Variants in REST observed in about 807,000 individuals in gnomAD.
REST encodes the protein RE1-silencing transcription factor.
Under a neutral mutation model 30.4 loss-of-function variants are expected in REST, and 1 was observed. That is an observed-to-expected ratio of 0.03 (90% CI 0.01 to 0.16). The LOEUF is 0.16. Ranked by LOEUF, REST falls within the 10% of genes least tolerant of loss-of-function variation. The pLI is 1.00. For missense variants in REST, 1,259 were observed against 1,329.5 expected (o/e 0.95, Z 0.82); for synonymous variants, 504 against 451.1 (o/e 1.12, Z -1.49).
intron 3 of REST, among the ~76,000 whole-genome samples, chr4:56,921,299 C>G (rs1578500252): frequency 1.3e-5 from 2 of 152,266 alleles, no homozygotes; most frequent in East Asian, 1.9e-4. Flanking sequence ...CTGTGCTATT[C>G]GCTTGAGTAG....
rs1219968922 is a variant in REST at position 56,930,295 on chromosome 4, T to G, written c.1437T>G (p.Pro479=). The G allele has an allele frequency of 2.5e-6, 4 of 1,613,850 alleles. No individual in the cohort carries two copies. The South Asian group carries it at 3.3e-5, about 13-fold the overall frequency. ...GAGATGTCTCAAAAGAGAAAAAGCC[T>G]TCTAATAATGTGTCAGTGATCCAGG... ...EKRDVSKEKK[P]SNNVSVIQVT... is the part of the protein sequence containing the mutation. The change falls in exon 4 of 4, where the codon CCT becomes CCG. Residue 479 remains proline (P), a synonymous_variant. Transcript: ENST00000309042.
intron 3 of REST, among the ~76,000 whole-genome samples, chr4:56,929,357 TG>T (rs1221576159): frequency 1.3e-5 from 2 of 152,134 alleles, no homozygotes; most frequent in East Asian, 3.9e-4. Flanking sequence ...TGATTTATTT[TG>T]CTCAGGTTGT....
At chr4:56,914,371 G>C (rs1402293216) in intron 2 of REST, among the ~76,000 whole-genome samples, 1 of 152,160 alleles carries the variant, frequency 6.6e-6, no homozygotes, top group African/African-American at 2.4e-5. Context: ...CTAAGCCCCA[G>C]CAGATGGATG....
intron 1 of REST, among the ~76,000 whole-genome samples, chr4:56,908,484 G>T (rs1719725803): frequency 6.6e-6 from 1 of 151,954 alleles, no homozygotes; most frequent in South Asian, 2.1e-4. Context: ...AGGCTGGGAC[G>T]CCGCCTCCGC....
rs1719701542 is a variant in REST, at chr4:56,908,068, C to T, written c.-155C>T. On this transcript the variant is annotated 5_prime_UTR_variant, in exon 1 of 4. Transcript: ENST00000309042. ...CTGAGCACCCTCTGCAGCCCCACTC[C>T]TGGGCCTTCTTGGTCCACGACGGCC... The T allele has an allele frequency of 2.8e-6, 1 of 355,086 alleles. No homozygotes were observed. The highest frequency in any genetic ancestry group is 5.1e-6 in the Non-Finnish European group (1 of 197,424). The allele number at this position is 355,086 out of a possible 1,614,324, so 22.0% of individuals were successfully genotyped here. A position where few individuals can be genotyped will look rare whatever the true frequency, so the allele number is the denominator to read the frequency against.
rs187623849 is a variant in REST at position 56,922,948 on chromosome 4, G to A, written c.982+3078G>A. 1.8e-3 allele frequency among the ~76,000 whole-genome samples: 279 copies of A among 152,232 alleles called. 2 individuals are homozygous for A. The highest frequency in any genetic ancestry group is 3.3e-3 in the Admixed American group (51 of 15,274). On this transcript the variant is annotated intron_variant, in intron 3 of 3. Transcript: ENST00000309042. ...AATGACTACATACTTTTATCCTTTC[G>A]TTCAATTAGTAATACTTTGTCTTGT...
intron 2 of REST, among the ~76,000 whole-genome samples, chr4:56,919,076 T>A (rs937841518): frequency 6.6e-6 from 1 of 152,008 alleles, no homozygotes; most frequent in Non-Finnish European, 1.5e-5. Flanking sequence ...GCTAATTTTT[T>A]TTGTATTTTT....
At chr4:56,908,872 G>C (rs995216962) in intron 1 of REST, 1 of 151,548 alleles carries the variant, frequency 6.6e-6, no homozygotes, top group Non-Finnish European at 1.5e-5. Context: ...GCAAACTTCC[G>C]GGGCGCGGGG....
rs1721045752 is a variant in REST, at chr4:56,933,483, T to C, written c.*1331T>C. Reference sequence around the variant, plus strand: ...AGTGCTGGTAGACCAGCTGCAACTTTCCTATACAGTGAAAAAGGCTGGTGA... The same window carrying C: ...AGTGCTGGTAGACCAGCTGCAACTTCCCTATACAGTGAAAAAGGCTGGTGA... On this transcript the variant is annotated 3_prime_UTR_variant, in exon 4 of 4. Coordinates refer to ENST00000309042, the MANE Select transcript of REST (RefSeq NM_005612.5). 1 of 152,210 alleles carries C rather than the reference T, an allele frequency of 6.6e-6. No homozygotes were observed. Among genetic ancestry groups the C allele is most frequent in the Non-Finnish European group, 1.5e-5 (1 of 68,042 alleles). 9.4% of individuals were successfully genotyped at this position (152,210 alleles called of 1,614,324 possible). A position where few individuals can be genotyped will look rare whatever the true frequency, so the allele number is the denominator to read the frequency against.
At chr4:56,929,781 A>T (rs1234062731) in intron 3 of REST, 60 bp from the exon 4 acceptor site, 1 of 1,469,410 alleles carries the variant, frequency 6.8e-7, no homozygotes, top group African/African-American at 1.4e-5. Context: ...AGTTCTTTAT[A>T]TTTTAATCTT....
intron 3 of REST, among the ~76,000 whole-genome samples, chr4:56,921,158 C>G (rs1006310794): frequency 6.6e-6 from 1 of 152,112 alleles, no homozygotes; most frequent in African/African-American, 2.4e-5. Context: ...GCCACCATGC[C>G]TGGCCGAACT....
At position 56,933,356 on chromosome 4, in the gene REST, T is replaced by G. The variant is rs1721041885; in HGVS notation, c.*1204T>G. On this transcript the variant is annotated 3_prime_UTR_variant, in exon 4 of 4. Transcript: ENST00000309042. ...ATATTTGGAAACTACAAACCTGGAA[T>G]TAGGAGATATAATTATTCCTTCAAG... 1 of 152,210 alleles carries G rather than the reference T, an allele frequency of 6.6e-6. No individual in the cohort carries two copies. The highest frequency in any genetic ancestry group is 2.4e-5 in the African/African-American group (1 of 41,460). 9.4% of individuals were successfully genotyped at this position (152,210 alleles called of 1,614,324 possible).
rs374292810 is a variant in REST at position 56,934,802 on chromosome 4, G to A, written c.*2650G>A. ...CATGTTATTTGTAAATTGATGTTTA[G>A]TAATTAGTGATAAACTTGAAATACT... is the stretch of plus-strand genomic sequence containing the variant. On this transcript the variant is annotated 3_prime_UTR_variant, in exon 4 of 4. Coordinates refer to ENST00000309042, the MANE Select transcript of REST (RefSeq NM_005612.5). 16 of 152,260 alleles carry A rather than the reference G, an allele frequency of 1.1e-4. 1 individual carries two copies. Among genetic ancestry groups the A allele is most frequent in the African/African-American group, 3.6e-4 (15 of 41,550 alleles). 9.4% of individuals were successfully genotyped at this position (152,260 alleles called of 1,614,324 possible). A position where few individuals can be genotyped will look rare whatever the true frequency, so the allele number is the denominator to read the frequency against.
Position 56,930,828 on chromosome 4 carries a change from T to C in REST, c.1970T>C (p.Val657Ala). 1 of 1,611,210 alleles carries C rather than the reference T, an allele frequency of 6.2e-7. No individual in the cohort carries two copies. Among genetic ancestry groups the C allele is most frequent in the Non-Finnish European group, 8.5e-7 (1 of 1,178,510 alleles). ...APDEPVQMEV[V>A]QEGPAQKELL... ...GACGAGCCTGTTCAGATGGAGGTGG[T>C]TCAGGAGGGGCCTGCTCAGAAGGAG... Residue 657 changes from valine (V) to alanine (A), a missense_variant, in exon 4 of 4, where the codon GTT becomes GCT. Around this residue, in one of 5 missense-constraint regions of REST, gnomAD observed 856 missense variants for 772.8 expected, o/e 1.11. Coordinates refer to ENST00000309042, the MANE Select transcript of REST (RefSeq NM_005612.5).
intron 3 of REST, among the ~76,000 whole-genome samples, chr4:56,921,489 A>T (rs1037985506): frequency 1.3e-5 from 2 of 152,004 alleles, no homozygotes; most frequent in Admixed American, 6.6e-5. Flanking sequence ...AGCTCACTGC[A>T]ACCTCTGCCT....
intron 3 of REST, among the ~76,000 whole-genome samples, chr4:56,924,620 T>G (rs1182828087): frequency 3.6e-5 from 2 of 56,156 alleles, no homozygotes; most frequent in African/African-American, 9.5e-5. Context: ...ACCATGCCTG[T>G]TTTTTTTTTT....
At chr4:56,918,600 C>G (rs1269883717) in intron 2 of REST, among the ~76,000 whole-genome samples, 1 of 152,088 alleles carries the variant, frequency 6.6e-6, no homozygotes, top group Non-Finnish European at 1.5e-5. Context: ...TCTCTGTACT[C>G]CAGGCTGGAG....
At position 56,911,367 on chromosome 4, in the gene REST, T is replaced by G. The variant is rs368339850; in HGVS notation, c.729T>G (p.Asp243Glu). 6.2e-7 allele frequency: 1 copy of G among 1,614,058 alleles called. No homozygotes were observed. The highest frequency in any genetic ancestry group is 8.5e-7 in the Non-Finnish European group (1 of 1,180,050). Reference protein sequence around the residue: ...AHLKHHTRAGDNERVYKCIIC... With the variant: ...AHLKHHTRAGENERVYKCIIC... ...TGAAACACCACACCAGAGCTGGGGATAATGAGCGAGTCTACAAGTGTATCA... is the reference window on the plus strand; with the variant it reads ...TGAAACACCACACCAGAGCTGGGGAGAATGAGCGAGTCTACAAGTGTATCA... Residue 243 changes from aspartate (D) to glutamate (E), a missense_variant, in exon 2 of 4, where the codon GAT becomes GAG. Around this residue, in one of 5 missense-constraint regions of REST, gnomAD observed 125 missense variants for 255.4 expected, o/e 0.49. Coordinates refer to ENST00000309042, the MANE Select transcript of REST (RefSeq NM_005612.5).
intron 2 of REST, among the ~76,000 whole-genome samples, chr4:56,914,217 G>A (rs564560253): frequency 2.0e-5 from 3 of 152,216 alleles, no homozygotes; most frequent in South Asian, 4.2e-4. Flanking sequence ...GTGAGCCACC[G>A]TATCCAGCGA....
Sources: allele counts gnomAD v4.1 joint callset (sites outside exome capture counted in the v4.1 genomes callset), GRCh38; gene constraint gnomAD v4.1.1; regional missense constraint gnomAD v4.1.1; transcripts MANE v1.5; gene names NCBI Gene and HGNC (gene_info 2026-07-23, HGNC 2026-07-21).